STIM1: variants seen among roughly 807,000 people sequenced by gnomAD.
STIM1 encodes stromal interaction molecule 1.
STIM1 carries 25 observed loss-of-function variants against 74.7 expected under a neutral mutation model. That is an observed-to-expected ratio of 0.33 (90% CI 0.24 to 0.47). The LOEUF (loss-of-function observed/expected upper bound fraction) is 0.47, where lower values mean the gene tolerates loss of function less well. STIM1 is among the 20% of genes least tolerant of loss of function. STIM1 has a pLI of 1.00. For missense variants in STIM1, 728 were observed against 920.8 expected (o/e 0.79, Z 2.71); for synonymous variants, 328 against 348.8 (o/e 0.94, Z 0.66).
chr11:3,999,924 G>GAGATTAT (rs2093697064), intron 2 of STIM1, among the ~76,000 whole-genome samples: 1 of 152,182 alleles, frequency 6.6e-6, no homozygotes, highest in African/African-American at 2.4e-5. Flanking sequence ...GGCGCACCAG[G>GAGATTAT]AGATTATATC....
rs147317239 is a variant in STIM1 at position 3,930,366 on chromosome 11, C to T, written c.140-37186C>T. 3.8e-3 allele frequency among the ~76,000 whole-genome samples: 583 copies of T among 152,260 alleles called. 2 individuals carry two copies. Among genetic ancestry groups the T allele is most frequent in the Non-Finnish European group, 5.6e-3 (378 of 68,012 alleles). ...ATCCAGGCCTTCTGACTTTGTCTTT[C>T]GAAAATGACAGCTTCCCTGTTTATA... On this transcript the variant is annotated intron_variant, in intron 1 of 12. Coordinates refer to ENST00000526596, the MANE Select transcript of STIM1 (RefSeq NM_001382567.1).
intron 5 of STIM1, among the ~76,000 whole-genome samples, chr11:4,063,188 A>T (rs2094343032): frequency 6.6e-6 from 1 of 152,192 alleles, no homozygotes; most frequent in African/African-American, 2.4e-5. Context: ...TTCTAACATT[A>T]ATTTTGCCAG....
At chr11:3,952,781 C>G (rs543263636) in intron 1 of STIM1, among the ~76,000 whole-genome samples, 15 of 152,310 alleles carry the variant, frequency 9.8e-5, no homozygotes, top group African/African-American at 3.4e-4. Context: ...GAACACTGAT[C>G]TGGGAGTCAG....
intron 2 of STIM1, among the ~76,000 whole-genome samples, chr11:4,011,231 C>T (rs781491332): frequency 9.2e-5 from 14 of 152,234 alleles, no homozygotes; most frequent in Admixed American, 3.3e-4. Context: ...TGGGTATATA[C>T]GCAGTATTGG....
At chr11:4,002,854 G>GA (rs1284152827) in intron 2 of STIM1, among the ~76,000 whole-genome samples, 1 of 140,286 alleles carries the variant, frequency 7.1e-6, no homozygotes, top group Non-Finnish European at 1.6e-5. Context: ...GACTAATAAA[G>GA]AAAAAAAGAG....
chr11:4,090,819 C>A (rs1384545081), intron 12 of STIM1, among the ~76,000 whole-genome samples: 1 of 152,196 alleles, frequency 6.6e-6, no homozygotes, highest in African/African-American at 2.4e-5. Flanking sequence ...CAGTTCAGAG[C>A]CAGAGCATTC....
intron 1 of STIM1, among the ~76,000 whole-genome samples, chr11:3,884,883 A>G (rs964501750): frequency 6.6e-6 from 1 of 152,188 alleles, no homozygotes; most frequent in African/African-American, 2.4e-5. Flanking sequence ...CCTTGAAAAC[A>G]TTATGCTAAG....
At chr11:3,946,475 A>T (rs770978032) in intron 1 of STIM1, among the ~76,000 whole-genome samples, 1 of 152,132 alleles carries the variant, frequency 6.6e-6, no homozygotes, top group Non-Finnish European at 1.5e-5. Flanking sequence ...TTGGCCTAGG[A>T]CAAAGAAAGT....
At chr11:3,906,810 A>C (rs2092472634) in intron 1 of STIM1, among the ~76,000 whole-genome samples, 1 of 152,236 alleles carries the variant, frequency 6.6e-6, no homozygotes, top group Non-Finnish European at 1.5e-5. Context: ...TGAATAAAGC[A>C]ATAAGTAGAT....
chr11:4,047,619 C>G (rs1590672144), intron 3 of STIM1, among the ~76,000 whole-genome samples: 1 of 150,144 alleles, frequency 6.7e-6, no homozygotes, highest in East Asian at 2.0e-4. Flanking sequence ...CTTTTTCAAA[C>G]AAAACAAAAC....
chr11:3,988,249 C>T (rs2093575908), intron 2 of STIM1, among the ~76,000 whole-genome samples: 2 of 152,248 alleles, frequency 1.3e-5, no homozygotes, highest in Middle Eastern at 3.4e-3. Context: ...TTCCTCAGCA[C>T]CTGAAGCCAG....
At chr11:4,022,335 C>CAAAAA (rs60560723) in intron 2 of STIM1, among the ~76,000 whole-genome samples, 1 of 105,036 alleles carries the variant, frequency 9.5e-6, no homozygotes, top group Non-Finnish European at 1.9e-5. Context: ...GAACCTGTCT[C>CAAAAA]AAAAAAAAAA....
chr11:3,897,296 C>G (rs1243240706), intron 1 of STIM1, among the ~76,000 whole-genome samples: 1 of 152,104 alleles, frequency 6.6e-6, no homozygotes, highest in African/African-American at 2.4e-5. Flanking sequence ...CCTCTGCTGC[C>G]TCTTCATTGG....
chr11:4,020,527 G>T (rs2093945818), intron 2 of STIM1, among the ~76,000 whole-genome samples: 1 of 151,906 alleles, frequency 6.6e-6, no homozygotes, highest in African/African-American at 2.4e-5. Flanking sequence ...TTGTGGTTTT[G>T]ATTTCCATTT....
chr11:3,893,718 G>A (rs777820863), intron 1 of STIM1, among the ~76,000 whole-genome samples: 133 of 151,552 alleles, frequency 8.8e-4, no homozygotes, highest in Admixed American at 4.9e-3. Context: ...GTGCAGTGGC[G>A]CAATCGCAGC....
At chr11:3,883,958 A>G (rs762399669) in intron 1 of STIM1, among the ~76,000 whole-genome samples, 1 of 152,130 alleles carries the variant, frequency 6.6e-6, no homozygotes, top group African/African-American at 2.4e-5. Flanking sequence ...AATAGTCCCT[A>G]TTGTTTTATA....
chr11:3,926,492 CT>C (rs2092790537), intron 1 of STIM1, among the ~76,000 whole-genome samples: 1 of 152,198 alleles, frequency 6.6e-6, no homozygotes, highest in South Asian at 2.1e-4. Context: ...AGACCACTGT[CT>C]TAATACATAC....
chr11:3,917,449 T>A (rs1327943540), intron 1 of STIM1, among the ~76,000 whole-genome samples: 1 of 151,794 alleles, frequency 6.6e-6, no homozygotes, highest in Non-Finnish European at 1.5e-5. Context: ...TTTTTTTTTT[T>A]TTTGAGACAG....
At chr11:3,897,257 G>T (rs1172405511) in intron 1 of STIM1, among the ~76,000 whole-genome samples, 1 of 152,178 alleles carries the variant, frequency 6.6e-6, no homozygotes, top group African/African-American at 2.4e-5. Context: ...TGAGTTGCTG[G>T]AAATGCTACC....
Sources: allele counts gnomAD v4.1 joint callset (sites outside exome capture counted in the v4.1 genomes callset), GRCh38; gene constraint gnomAD v4.1.1; transcripts MANE v1.5; gene names NCBI Gene and HGNC (gene_info 2026-07-23, HGNC 2026-07-21).